The following DOCK10 variants were observed in gnomAD, a reference collection of about 807,000 sequenced individuals.
DOCK10 encodes dedicator of cytokinesis protein 10.
In DOCK10, 145 loss-of-function variants were observed where a neutral mutation model predicts 280.1. That is an observed-to-expected ratio of 0.52 (90% CI 0.45 to 0.59). DOCK10 has a LOEUF of 0.59. DOCK10 is among the 20% of genes least tolerant of loss of function. The probability of loss-of-function intolerance (pLI) is 0.00; values close to 1 mark genes in which losing one functional copy is unlikely to be tolerated. For synonymous variants in DOCK10, 915 were observed against 942.2 expected (o/e 0.97, Z 0.53); for missense variants, 2,368 against 2,651.7 (o/e 0.89, Z 2.35).
chr2:224,826,157 G>A (rs1474610008), intron 27 of DOCK10, among the ~76,000 whole-genome samples: 4 of 152,164 alleles, frequency 2.6e-5, no homozygotes, highest in East Asian at 1.9e-4. Flanking sequence ...TCCACCTCCC[G>A]GGTTTAAGCA....
At chr2:224,976,682 T>TAAAAA (rs34819325) in intron 1 of DOCK10, among the ~76,000 whole-genome samples, 1 of 130,262 alleles carries the variant, frequency 7.7e-6, no homozygotes. Flanking sequence ...CAAAGTTAAT[T>TAAAAA]AAAAAAAAAA....
At chr2:224,943,558 C>T (rs922137449) in intron 1 of DOCK10, among the ~76,000 whole-genome samples, 8 of 152,268 alleles carry the variant, frequency 5.3e-5, no homozygotes, top group South Asian at 2.1e-4. Flanking sequence ...GTATCTGCAA[C>T]GATCACTTTT....
At chr2:224,821,484 G>A (rs1480425755) in intron 28 of DOCK10, among the ~76,000 whole-genome samples, 1 of 152,102 alleles carries the variant, frequency 6.6e-6, no homozygotes, top group Non-Finnish European at 1.5e-5. Flanking sequence ...AAATGACTAC[G>A]TTCAGTTTTA....
chr2:224,954,694 C>T (rs1218075635), intron 1 of DOCK10, among the ~76,000 whole-genome samples: 1 of 152,204 alleles, frequency 6.6e-6, no homozygotes, highest in Non-Finnish European at 1.5e-5. Flanking sequence ...CATAGCATTT[C>T]TAAACATGTT....
intron 30 of DOCK10, among the ~76,000 whole-genome samples, chr2:224,816,048 C>T (rs934557283): frequency 1.3e-5 from 2 of 151,662 alleles, no homozygotes; most frequent in African/African-American, 4.8e-5. Context: ...ACAAAACAAC[C>T]CCCTCCCCCG....
chr2:224,876,080 G>A lies in DOCK10; in HGVS notation c.889C>T (p.Leu297Phe). The change falls in exon 8 of 56, where the codon CTC becomes TTC. Residue 297 changes from leucine to phenylalanine, a missense_variant. By Grantham distance (22) the Leu-to-Phe change is conservative. Transcript: ENST00000258390. ...RILQISPEGPLQGRRSTELTD... is the reference protein window; with the variant it reads ...RILQISPEGPFQGRRSTELTD... Reference sequence around the variant, plus strand: ...AGCTCTGTGCTCCTCCTCCCTTGGAGGGGCCCCTCAGGACTGATTTGCAGA... The same window carrying A: ...AGCTCTGTGCTCCTCCTCCCTTGGAAGGGCCCCTCAGGACTGATTTGCAGA... 3.1e-6 allele frequency: 5 copies of A among 1,613,860 alleles called. No individual in the cohort carries two copies. Among genetic ancestry groups the A allele is most frequent in the Non-Finnish European group, 4.2e-6 (5 of 1,179,842 alleles).
intron 3 of DOCK10, among the ~76,000 whole-genome samples, chr2:224,908,123 T>C (rs1035139065): frequency 6.6e-6 from 1 of 151,760 alleles, no homozygotes; most frequent in Non-Finnish European, 1.5e-5. Flanking sequence ...TGCCGAACGT[T>C]CTGTGCCTAC....
intron 17 of DOCK10, 52 bp from the exon 18 acceptor site, chr2:224,852,494 T>TA (rs1696811882): frequency 1.4e-6 from 2 of 1,454,240 alleles, no homozygotes; most frequent in South Asian, 1.2e-5. Context: ...TCAAATAACA[T>TA]AAAAAACCCA....
At chr2:224,797,777 T>C (rs995418138) in intron 42 of DOCK10, 55 bp downstream of exon 42, 3 of 1,570,348 alleles carry the variant, frequency 1.9e-6, no homozygotes. Context: ...GGTTTACTAT[T>C]CTATGGGTTT....
At chr2:225,021,511 G>T (rs753049441) in intron 1 of DOCK10, among the ~76,000 whole-genome samples, 5 of 152,188 alleles carry the variant, frequency 3.3e-5, no homozygotes, top group Non-Finnish European at 5.9e-5. Context: ...GGGAAAAAGA[G>T]AAATTCAAGG....
At chr2:224,832,966 C>T (rs978685959) in intron 26 of DOCK10, among the ~76,000 whole-genome samples, 2 of 152,280 alleles carry the variant, frequency 1.3e-5, no homozygotes, top group East Asian at 3.9e-4. Flanking sequence ...ACCCACCCAC[C>T]CCACCTTCCA....
rs748990032 is a variant in DOCK10 at position 224,804,180 on chromosome 2, G to T, written c.4200C>A (p.Ser1400=). The change falls in exon 39 of 56, where the codon TCC becomes TCA. Residue 1400 remains serine (S), a synonymous_variant. Transcript: ENST00000258390. Reference sequence around the variant, plus strand: ...CTTTGAGAGTTCCATTGTTCTGGGTGGACTGCACAAATTTAAATGCAGCAG... The same window carrying T: ...CTTTGAGAGTTCCATTGTTCTGGGTTGACTGCACAAATTTAAATGCAGCAG... ...KIAAAFKFVQ[S]TQNNGTLKGS... 3 of 1,611,066 alleles carry T rather than the reference G, an allele frequency of 1.9e-6. No individual in the cohort carries two copies. The highest frequency in any genetic ancestry group is 2.5e-6 in the Non-Finnish European group (3 of 1,178,306).
At chr2:224,926,041 G>T (rs1702028677) in intron 2 of DOCK10, among the ~76,000 whole-genome samples, 1 of 152,018 alleles carries the variant, frequency 6.6e-6, no homozygotes, top group African/African-American at 2.4e-5. Flanking sequence ...AAAGAAAGAT[G>T]AAAAAAAGTA....
intron 2 of DOCK10, among the ~76,000 whole-genome samples, chr2:224,921,697 G>C (rs1249163278): frequency 1.3e-5 from 2 of 152,162 alleles, no homozygotes; most frequent in Non-Finnish European, 2.9e-5. Context: ...CTAATATCCT[G>C]TGCAGGTTAC....
At chr2:224,937,360 A>C (rs1421294118) in intron 1 of DOCK10, among the ~76,000 whole-genome samples, 2 of 142,104 alleles carry the variant, frequency 1.4e-5, no homozygotes, top group Non-Finnish European at 3.2e-5. Context: ...TGAATATCAG[A>C]CAAATGTAGA....
intron 2 of DOCK10, among the ~76,000 whole-genome samples, chr2:224,922,885 G>A (rs1701846387): frequency 6.6e-6 from 1 of 152,178 alleles, no homozygotes; most frequent in South Asian, 2.1e-4. Flanking sequence ...AGCTTGGGGA[G>A]TTATAAGCCT....
At chr2:224,922,937 C>A (rs550921589) in intron 2 of DOCK10, among the ~76,000 whole-genome samples, 1 of 152,270 alleles carries the variant, frequency 6.6e-6, no homozygotes, top group South Asian at 2.1e-4. Context: ...ATTAATGACC[C>A]TCAGCATGTG....
chr2:224,903,665 C>G (rs1700437021), intron 3 of DOCK10, among the ~76,000 whole-genome samples: 1 of 152,156 alleles, frequency 6.6e-6, no homozygotes, highest in South Asian at 2.1e-4. Context: ...GGCATAAAAA[C>G]TGGGTCATTT....
At chr2:224,774,785 G>T in intron 52 of DOCK10, 120 bp downstream of exon 52, 1 of 862,134 alleles carries the variant, frequency 1.2e-6, no homozygotes, top group Non-Finnish European at 1.8e-6. Context: ...TTCCCAGTTA[G>T]CACATGTTGG....
Sources: gnomAD v4.1 joint callset for allele counts (sites outside exome capture counted in the v4.1 genomes callset) on GRCh38, gnomAD v4.1.1 for gene constraint, MANE v1.5 for transcripts, NCBI Gene and HGNC (gene_info 2026-07-23, HGNC 2026-07-21) for gene names.